Variants in ARID2 observed in about 807,000 individuals in gnomAD.
The protein encoded by ARID2 is AT-rich interactive domain-containing protein 2.
ARID2 carries 32 observed loss-of-function variants against 184.6 expected under a neutral mutation model. The observed-to-expected ratio is 0.17, with a 90% CI of 0.13 to 0.23. ARID2 has a LOEUF of 0.23. Among genes scored for constraint, ARID2 ranks in the 10% least tolerant of loss-of-function variants. ARID2 has a pLI of 1.00. For missense variants in ARID2, 1,696 were observed against 2,197.6 expected, an observed-to-expected ratio of 0.77 and a Z score of 4.56; for synonymous variants, 836 against 772.6, an observed-to-expected ratio of 1.08 and a Z score of -1.36.
At chr12:45,752,744 C>T (rs1321560927) in intron 3 of ARID2, among the ~76,000 whole-genome samples, 1 of 152,186 alleles carries the variant, frequency 6.6e-6, no homozygotes, top group African/African-American at 2.4e-5. Flanking sequence ...AGTCCTCCTG[C>T]CTTGGCTTTC....
intron 6 of ARID2, among the ~76,000 whole-genome samples, chr12:45,833,061 T>C (rs1943151175): frequency 6.6e-6 from 1 of 152,234 alleles, no homozygotes; most frequent in South Asian, 2.1e-4. Flanking sequence ...TAGACCTTTT[T>C]TGTTTTCTGT....
At chr12:45,837,817 A>G (rs980600761) in intron 10 of ARID2, 110 bp downstream of exon 10, 29 of 896,458 alleles carry the variant, frequency 3.2e-5, no homozygotes, top group Non-Finnish European at 4.2e-5. Context: ...TATTTTGAAG[A>G]GTCATTACCT....
chr12:45,821,719 A>G (rs1170929572), intron 6 of ARID2, among the ~76,000 whole-genome samples: 2 of 152,238 alleles, frequency 1.3e-5, no homozygotes, highest in Non-Finnish European at 2.9e-5. Flanking sequence ...AGTAACAACA[A>G]TAGCAGTAAA....
At chr12:45,746,205 G>A (rs139445737) in intron 3 of ARID2, among the ~76,000 whole-genome samples, 166 of 146,498 alleles carry the variant, frequency 1.1e-3, no homozygotes, top group African/African-American at 3.7e-3. Flanking sequence ...CAACCTTCTT[G>A]GCTTAAGAGA....
chr12:45,904,461 G>A, intron 20 of ARID2: 1 of 607,788 alleles, frequency 1.6e-6, no homozygotes, highest in Non-Finnish European at 3.0e-6. Context: ...GGGAGGCCAA[G>A]GCGGGTGGAT....
At chr12:45,760,793 T>A (rs950665728) in intron 3 of ARID2, among the ~76,000 whole-genome samples, 2 of 152,098 alleles carry the variant, frequency 1.3e-5, no homozygotes, top group African/African-American at 4.8e-5. Context: ...GTTTCTTTAT[T>A]TTTTTCAGCT....
intron 4 of ARID2, among the ~76,000 whole-genome samples, chr12:45,817,072 A>G (rs1197139387): frequency 6.6e-6 from 1 of 152,236 alleles, no homozygotes; most frequent in Non-Finnish European, 1.5e-5. Context: ...AGAAGTGTAG[A>G]TTAGTCTGGG....
chr12:45,861,106 C>A (rs1171461278), intron 16 of ARID2, among the ~76,000 whole-genome samples, 157 bp downstream of exon 16: 1 of 152,068 alleles, frequency 6.6e-6, no homozygotes, highest in Admixed American at 6.6e-5. Flanking sequence ...ATTATGTGGA[C>A]CTAAACTAAG....
chr12:45,898,680 C>T (rs1461675056), intron 20 of ARID2, among the ~76,000 whole-genome samples: 1 of 152,190 alleles, frequency 6.6e-6, no homozygotes, highest in Non-Finnish European at 1.5e-5. Context: ...CTTTGGGAGG[C>T]TGAGGCGGGC....
At chr12:45,760,263 A>G (rs1419417365) in intron 3 of ARID2, among the ~76,000 whole-genome samples, 1 of 152,176 alleles carries the variant, frequency 6.6e-6, no homozygotes, top group African/African-American at 2.4e-5. Context: ...TCTTTGGGCT[A>G]TTATATGGTC....
At position 45,905,290 on chromosome 12, in the gene ARID2, A is replaced by G. The variant is rs1444170641; in HGVS notation, c.*212A>G. 2.2e-5 allele frequency: 10 copies of G among 445,100 alleles called. No individual in the cohort carries two copies. The highest frequency in any genetic ancestry group is 3.1e-5 in the Non-Finnish European group (8 of 259,656). The allele number at this position is 445,100 out of a possible 1,614,324, so 27.6% of individuals were successfully genotyped here. On this transcript the variant is annotated 3_prime_UTR_variant, in exon 21 of 21. Coordinates refer to ENST00000334344, the MANE Select transcript of ARID2 (RefSeq NM_152641.4). ...AAATCTAAAAAGAAAAAGGAAAAAA[A>G]AAAAAGAACTGCTGTGGGATTGTCA...
At chr12:45,884,141 A>G (rs545642831) in intron 16 of ARID2, among the ~76,000 whole-genome samples, 1 of 152,330 alleles carries the variant, frequency 6.6e-6, no homozygotes, top group South Asian at 2.1e-4. Context: ...TCATGCCTGT[A>G]ATCCCAGCAC....
At chr12:45,748,075 T>C (rs543654366) in intron 3 of ARID2, among the ~76,000 whole-genome samples, 14 of 152,300 alleles carry the variant, frequency 9.2e-5, no homozygotes, top group African/African-American at 2.9e-4. Context: ...CAAATAACAA[T>C]GTACGGCCAG....
intron 3 of ARID2, among the ~76,000 whole-genome samples, chr12:45,800,989 C>G (rs1041441144): frequency 3.3e-5 from 5 of 152,180 alleles, no homozygotes; most frequent in Non-Finnish European, 1.5e-5. Flanking sequence ...AAAGTACTCA[C>G]AGTCGAATGC....
At chr12:45,866,947 T>C (rs1943841039) in intron 16 of ARID2, among the ~76,000 whole-genome samples, 1 of 151,888 alleles carries the variant, frequency 6.6e-6, no homozygotes, top group South Asian at 2.1e-4. Flanking sequence ...GTTGTTGTTG[T>C]TGTTGTTGTT....
chr12:45,745,606 G>A (rs1440548037), intron 3 of ARID2, among the ~76,000 whole-genome samples: 1 of 152,174 alleles, frequency 6.6e-6, no homozygotes, highest in Admixed American at 6.5e-5. Flanking sequence ...AGAATGCAGT[G>A]GCGCAATCTC....
Position 45,852,468 on chromosome 12 carries a change from A to C in ARID2, c.4345A>C (p.Asn1449His). 2 of 1,614,168 alleles carry C rather than the reference A, an allele frequency of 1.2e-6. No individual in the cohort carries two copies. Among genetic ancestry groups the C allele is most frequent in the Non-Finnish European group, 1.7e-6 (2 of 1,180,016 alleles). The change falls in exon 15 of 21, where the codon AAT becomes CAT. Residue 1449 changes from asparagine to histidine, a missense_variant. Coordinates refer to ENST00000334344, the MANE Select transcript of ARID2 (RefSeq NM_152641.4). ...TQQFSGTDLL[N>H]GPLASSLNSD... ...GCAATTTAGTGGTACTGATTTGCTT[A>C]ATGGACCTCTAGCTTCAAGTTTGAA...
intron 3 of ARID2, among the ~76,000 whole-genome samples, chr12:45,786,453 T>C (rs986667412): frequency 2.0e-5 from 3 of 152,234 alleles, no homozygotes; most frequent in Non-Finnish European, 4.4e-5. Context: ...GTGGATGATA[T>C]TAACAAGGAT....
At chr12:45,818,797 T>G (rs1470863829) in intron 5 of ARID2, among the ~76,000 whole-genome samples, 2 of 152,142 alleles carry the variant, frequency 1.3e-5, no homozygotes, top group Admixed American at 1.3e-4. Flanking sequence ...TTTGGGATTA[T>G]TTAGGTAGGA....
Sources: allele counts gnomAD v4.1 joint callset (sites outside exome capture counted in the v4.1 genomes callset), GRCh38; gene constraint gnomAD v4.1.1; transcripts MANE v1.5; gene names NCBI Gene and HGNC (gene_info 2026-07-23, HGNC 2026-07-21).